Variants in BCL11A observed in about 807,000 individuals in gnomAD.
BCL11A encodes the protein B cell CLL/lymphoma 11A.
In BCL11A, 2 loss-of-function variants were observed where a neutral mutation model predicts 55.9. The observed-to-expected ratio is 0.04, with a 90% confidence interval of 0.01 to 0.11. The LOEUF is 0.11. BCL11A is among the 10% of genes least tolerant of loss of function. BCL11A has a pLI of 1.00. For missense variants in BCL11A, 817 were observed against 1,137.1 expected (o/e 0.72, Z 4.05); for synonymous variants, 465 against 473.4 (o/e 0.98, Z 0.23).
chr2:60,485,676 G>A (rs962682692), intron 2 of BCL11A, among the ~76,000 whole-genome samples: 17 of 152,150 alleles, frequency 1.1e-4, no homozygotes, highest in African/African-American at 3.4e-4. Flanking sequence ...GAGAAACAAC[G>A]CTTGCTATTC....
intron 2 of BCL11A, among the ~76,000 whole-genome samples, chr2:60,518,417 T>C (rs948617095): frequency 2.0e-5 from 3 of 152,240 alleles, no homozygotes; most frequent in Admixed American, 2.0e-4. Context: ...TTTTAAAATG[T>C]CTGCGATAGA....
At chr2:60,551,186 G>A (rs771350840) in intron 1 of BCL11A, among the ~76,000 whole-genome samples, 46 of 152,360 alleles carry the variant, frequency 3.0e-4, no homozygotes, top group Non-Finnish European at 6.3e-4. Context: ...GGGAATGTGG[G>A]CCCTCACGCC....
In BCL11A at chr2:60,481,431, C is replaced by A. The variant is rs45584735; in HGVS notation, c.386-12598G>T. Among the ~76,000 whole-genome samples the A allele has an allele frequency of 3.3e-3, 498 of 152,256 alleles. 3 individuals carry two copies. Among genetic ancestry groups the A allele is most frequent in the Non-Finnish European group, 5.2e-3 (356 of 68,012 alleles). On this transcript the variant is annotated intron_variant, in intron 2 of 3. Coordinates refer to ENST00000642384, the MANE Select transcript of BCL11A (RefSeq NM_022893.4). ...TCGCACCTCTGCTTTGCGGCTTTAACGCACTACACCCCACCCACCACAAGC... is the reference window on the plus strand; with the variant it reads ...TCGCACCTCTGCTTTGCGGCTTTAAAGCACTACACCCCACCCACCACAAGC...
chr2:60,472,733 C>G (rs183904693), intron 2 of BCL11A, among the ~76,000 whole-genome samples: 102 of 152,316 alleles, frequency 6.7e-4, no homozygotes, highest in Middle Eastern at 3.4e-3. Context: ...TCAAGAACAT[C>G]TCAAAGATTC....
chr2:60,513,188 G>A (rs6740172), intron 2 of BCL11A, among the ~76,000 whole-genome samples: 65,193 of 151,926 alleles, frequency 0.43, 15,489 homozygotes, highest in African/African-American at 0.62. Flanking sequence ...TCATCTTTGA[G>A]CGGCTCTTCC....
chr2:60,540,130 G>A (rs1337360367), intron 2 of BCL11A, among the ~76,000 whole-genome samples: 1 of 152,114 alleles, frequency 6.6e-6, no homozygotes, highest in African/African-American at 2.4e-5. Flanking sequence ...CTCTAAGTTA[G>A]AATCTTTTTT....
chr2:60,451,130 G>T (rs940846591), downstream of BCL11A: 1 of 184,160 alleles, frequency 5.4e-6, no homozygotes, highest in Non-Finnish European at 1.2e-5. Flanking sequence ...TAATGCACGA[G>T]ACAGCACTGT....
chr2:60,533,551 G>A (rs149104047), intron 2 of BCL11A: 1 of 152,296 alleles, frequency 6.6e-6, no homozygotes, highest in African/African-American at 2.4e-5. Context: ...CCCACATAAA[G>A]TATGAAGATT....
intron 2 of BCL11A, among the ~76,000 whole-genome samples, chr2:60,487,839 A>G (rs1572995481): frequency 6.6e-6 from 1 of 152,236 alleles, no homozygotes; most frequent in Non-Finnish European, 1.5e-5. Context: ...GGAAATCTGG[A>G]TAAGAATTTG....
chr2:60,505,933 G>A (rs1047801826), intron 2 of BCL11A, among the ~76,000 whole-genome samples: 14 of 152,212 alleles, frequency 9.2e-5, no homozygotes, highest in African/African-American at 3.1e-4. Flanking sequence ...AGCCCCACCT[G>A]GTTCGTCTGC....
intron 3 of BCL11A, among the ~76,000 whole-genome samples, chr2:60,467,138 T>TGGTGGTGGTGG (rs1676687968): frequency 1.6e-5 from 1 of 61,818 alleles, no homozygotes; most frequent in Non-Finnish European, 3.4e-5. Context: ...GATGGTGGTG[T>TGGTGGTGGTGG]TGGTGGTGAT....
intron 2 of BCL11A, among the ~76,000 whole-genome samples, chr2:60,492,290 C>G (rs527522841): frequency 6.6e-6 from 1 of 152,282 alleles, no homozygotes; most frequent in African/African-American, 2.4e-5. Context: ...TGGCTTGAGC[C>G]TAGGAGATCA....
intron 2 of BCL11A, among the ~76,000 whole-genome samples, chr2:60,472,522 G>A (rs13404194): frequency 0.011 from 1,667 of 152,216 alleles, 21 homozygotes; most frequent in African/African-American, 0.038. Context: ...TTTCCTTATG[G>A]CTGAATTTAA....
At chr2:60,485,028 CA>C (rs1050187442) in intron 2 of BCL11A, among the ~76,000 whole-genome samples, 18 of 148,002 alleles carry the variant, frequency 1.2e-4, no homozygotes, top group South Asian at 6.5e-4. Flanking sequence ...ATAGGAAATA[CA>C]AAAAACAATT....
chr2:60,491,674 CA>C (rs1487783056), intron 2 of BCL11A, among the ~76,000 whole-genome samples: 1 of 129,666 alleles, frequency 7.7e-6, no homozygotes, highest in Non-Finnish European at 1.6e-5. Flanking sequence ...TCCGTCTCAC[CA>C]AAAAAAGAAA....
rs1675980758 is a variant in BCL11A, at chr2:60,457,203, A to T, written c.*3201T>A. ...CAAGAAGCTTACAATGTGTACTTTA[A>T]TTTTTTTTATTTTTTCAATAAAGGG... is the stretch of plus-strand genomic sequence containing the variant. On this transcript the variant is annotated 3_prime_UTR_variant, in exon 4 of 4. Transcript: ENST00000642384. 2.0e-6 allele frequency: 2 copies of T among 997,382 alleles called. No homozygotes were observed. Among genetic ancestry groups the T allele is most frequent in the South Asian group, 4.7e-5 (1 of 21,258 alleles). The allele number at this position is 997,382 out of a possible 1,614,324, so 61.8% of individuals were successfully genotyped here. A position where few individuals can be genotyped will look rare whatever the true frequency, so the allele number is the denominator to read the frequency against.
intron 3 of BCL11A, among the ~76,000 whole-genome samples, chr2:60,468,202 T>C (rs1402594393): frequency 6.6e-6 from 1 of 151,978 alleles, no homozygotes; most frequent in African/African-American, 2.4e-5. Flanking sequence ...TGCATTTTTC[T>C]CTAAAACCAG....
chr2:60,481,524 C>A (rs560941012), intron 2 of BCL11A, among the ~76,000 whole-genome samples: 6 of 152,250 alleles, frequency 3.9e-5, no homozygotes, highest in African/African-American at 1.4e-4. Flanking sequence ...AGCCCACAAG[C>A]TGGCAGGTGA....
intron 2 of BCL11A, among the ~76,000 whole-genome samples, chr2:60,520,460 A>T (rs1668928616): frequency 6.6e-6 from 1 of 152,218 alleles, no homozygotes; most frequent in Non-Finnish European, 1.5e-5. Flanking sequence ...ATTTTTTAAA[A>T]TCTAGATTAT....
Sources: gnomAD v4.1 joint callset for allele counts (sites outside exome capture counted in the v4.1 genomes callset) on GRCh38, gnomAD v4.1.1 for gene constraint, MANE v1.5 for transcripts, NCBI Gene and HGNC (gene_info 2026-07-23, HGNC 2026-07-21) for gene names.